BAIAP2: variants seen among roughly 807,000 people sequenced by gnomAD.
BAIAP2 encodes BAR/IMD domain-containing adapter protein 2.
In BAIAP2, 18 loss-of-function variants were observed where a neutral mutation model predicts 63.0. The observed-to-expected ratio is 0.29, with a 90% CI of 0.20 to 0.42. The LOEUF is 0.42. Ranked by LOEUF, BAIAP2 falls within the 10% of genes least tolerant of loss-of-function variation. The probability of loss-of-function intolerance (pLI) is 1.00; values close to 1 mark genes in which losing one functional copy is unlikely to be tolerated. For synonymous variants in BAIAP2, 386 were observed against 307.6 expected (o/e 1.25, Z -2.67); for missense variants, 610 against 734.3 (o/e 0.83, Z 1.96).
intron 1 of BAIAP2, among the ~76,000 whole-genome samples, chr17:81,053,035 C>A (rs142430721): frequency 6.6e-6 from 1 of 152,104 alleles, no homozygotes; most frequent in Non-Finnish European, 1.5e-5. Context: ...CTGTTTTTAT[C>A]CCTTGTAATT....
chr17:81,042,407 T>C (rs2047211749), intron 1 of BAIAP2, among the ~76,000 whole-genome samples: 1 of 151,908 alleles, frequency 6.6e-6, no homozygotes, highest in South Asian at 2.1e-4. Flanking sequence ...CCTCCCACCT[T>C]GGCCTCCCAA....
chr17:81,098,402 T>C (rs888883265), intron 6 of BAIAP2, among the ~76,000 whole-genome samples: 6 of 150,612 alleles, frequency 4.0e-5, no homozygotes, highest in Non-Finnish European at 8.8e-5. Flanking sequence ...TGGCTTTGCT[T>C]GCACTACTTC....
At chr17:81,089,984 C>CT (rs1247419003) in intron 6 of BAIAP2, among the ~76,000 whole-genome samples, 1 of 152,166 alleles carries the variant, frequency 6.6e-6, no homozygotes, top group Non-Finnish European at 1.5e-5. Flanking sequence ...TGGTGCTGGT[C>CT]TTTCTTCCCA....
At chr17:81,057,996 T>A in intron 3 of BAIAP2, 29 bp downstream of exon 3, 1 of 1,144,182 alleles carries the variant, frequency 8.7e-7, no homozygotes, top group Non-Finnish European at 1.2e-6. Flanking sequence ...CCCCGCCTGG[T>A]AGTCGCCTGA....
chr17:81,108,276 C>T (rs1245208519), intron 12 of BAIAP2, 199 bp from the exon 13 acceptor site: 4 of 610,952 alleles, frequency 6.5e-6, no homozygotes, highest in South Asian at 2.0e-5. Context: ...TTAATTTGGG[C>T]AGTCATTACT....
At position 81,116,570 on chromosome 17, in the gene BAIAP2, C is replaced by A; in HGVS notation, c.*731C>A. On this transcript the variant is annotated 3_prime_UTR_variant, in exon 14 of 14. Coordinates refer to ENST00000428708, the MANE Select transcript of BAIAP2 (RefSeq NM_001144888.2). ...AGCTGTCAGGTGCTATGCGGGGTCA[C>A]CAGCAGAGTGCCCGCTGGCAGGTGG... 2.0e-6 allele frequency: 1 copy of A among 512,784 alleles called. No individual in the cohort carries two copies. The highest frequency in any genetic ancestry group is 3.5e-6 in the Non-Finnish European group (1 of 285,090). 31.8% of individuals were successfully genotyped at this position (512,784 alleles called of 1,614,324 possible). A position where few individuals can be genotyped will look rare whatever the true frequency, so the allele number is the denominator to read the frequency against.
intron 7 of BAIAP2, among the ~76,000 whole-genome samples, chr17:81,100,835 C>T (rs2145825001): frequency 6.6e-6 from 1 of 152,298 alleles, no homozygotes; most frequent in East Asian, 1.9e-4. Flanking sequence ...AACCTGGTCA[C>T]AGGGTCCTCC....
intron 3 of BAIAP2, among the ~76,000 whole-genome samples, chr17:81,074,388 G>C (rs1467711478): frequency 6.6e-6 from 1 of 151,690 alleles, no homozygotes. Context: ...GCACGGATAC[G>C]TGAGTGCTGG....
intron 2 of BAIAP2, chr17:81,057,333 T>C (rs551429102): frequency 6.6e-6 from 1 of 152,432 alleles, no homozygotes; most frequent in Non-Finnish European, 1.5e-5. Context: ...AGACTCTGCC[T>C]CTGAGATGCT....
At chr17:81,112,407 TGG>T (rs1426050709) in intron 13 of BAIAP2, among the ~76,000 whole-genome samples, 2 of 152,350 alleles carry the variant, frequency 1.3e-5, no homozygotes, top group East Asian at 3.9e-4. Context: ...CAGCTGGGAT[TGG>T]GGGTGTCGAA....
rs779998520 is a variant in BAIAP2, at chr17:81,103,926, G to A, written c.884G>A (p.Ser295Asn). ...CTGCAGCGGATGTCTGCCCAGGAGA[G>A]CACACCCATCATGAACGGCGTCACA... ...PFVGRMSAQE[S>N]TPIMNGVTGP... Residue 295 changes from serine (S) to asparagine (N), a missense_variant, in exon 9 of 14, where the codon AGC becomes AAC. By Grantham distance (46) the Ser-to-Asn change is conservative (BLOSUM62 1). Coordinates refer to ENST00000428708, the MANE Select transcript of BAIAP2 (RefSeq NM_001144888.2). 25 of 1,612,908 alleles carry A rather than the reference G, an allele frequency of 1.6e-5. No individual in the cohort carries two copies. The Admixed American group carries it at 1.7e-4, about 11-fold the overall frequency.
chr17:81,058,172 C>T (rs183037424), intron 3 of BAIAP2, among the ~76,000 whole-genome samples: 69 of 152,304 alleles, frequency 4.5e-4, no homozygotes, highest in African/African-American at 1.6e-3. Flanking sequence ...TCCCCTGAGG[C>T]GTGCAGCCTG....
chr17:81,039,930 G>A (rs1598477393), intron 1 of BAIAP2, among the ~76,000 whole-genome samples: 1 of 152,222 alleles, frequency 6.6e-6, no homozygotes, highest in African/African-American at 2.4e-5. Context: ...CTTCTCCCCA[G>A]TTCACAGGTC....
chr17:81,080,548 C>A (rs770729034), intron 3 of BAIAP2, among the ~76,000 whole-genome samples: 5 of 151,742 alleles, frequency 3.3e-5, no homozygotes, highest in African/African-American at 4.9e-5. Flanking sequence ...GGCCAGAACC[C>A]CCTGAGAAGC....
Position 81,089,921 on chromosome 17 carries a change from C to T in BAIAP2, c.489+3341C>T, listed in dbSNP as rs572670696. On this transcript the variant is annotated intron_variant, in intron 6 of 13. Coordinates refer to ENST00000428708, the MANE Select transcript of BAIAP2 (RefSeq NM_001144888.2). The stretch of plus-strand genomic sequence containing the variant: ...AGGCCTCTGCCACCCGGTACAGAGA[C>T]GCTTGGCGAGCCTCATCTTCTCGGC... Among the ~76,000 whole-genome samples the T allele has an allele frequency of 2.6e-5, 4 of 152,270 alleles. No homozygotes were observed. In the South Asian group the frequency reaches 8.3e-4, roughly 32 times the overall value.
At position 81,115,748 on chromosome 17, in the gene BAIAP2, A is replaced by T. The variant is rs371680834; in HGVS notation, c.1536-22A>T. ...CCCATGGCTTCCGCCCTAAAAATTA[A>T]AACCACGTTTTTCTCTTTCAGGAAT... is the stretch of plus-strand genomic sequence containing the variant. On this transcript the variant is annotated intron_variant, in intron 13 of 13. Transcript: ENST00000428708. 2.7e-5 allele frequency: 44 copies of T among 1,613,362 alleles called. No homozygotes were observed. The African/African-American group carries it at 5.3e-4, about 20-fold the overall frequency.
intron 6 of BAIAP2, among the ~76,000 whole-genome samples, chr17:81,096,942 G>C (rs1438229636): frequency 6.6e-6 from 1 of 152,220 alleles, no homozygotes; most frequent in Non-Finnish European, 1.5e-5. Flanking sequence ...GGAGGAGGTG[G>C]AGGAGAAAGT....
chr17:81,115,752 C>A lies in BAIAP2; in HGVS notation c.1536-18C>A, dbSNP rs751772802. On this transcript the variant is annotated intron_variant, in intron 13 of 13. Transcript: ENST00000428708. ...TGGCTTCCGCCCTAAAAATTAAAAC[C>A]ACGTTTTTCTCTTTCAGGAATCCCT... 1 of 1,613,494 alleles carries A rather than the reference C, an allele frequency of 6.2e-7. No homozygotes were observed.
At position 81,108,416 on chromosome 17, in the gene BAIAP2, G is replaced by A. The variant is rs1037245488; in HGVS notation, c.1501-59G>A. On this transcript the variant is annotated intron_variant, in intron 12 of 13. Coordinates refer to ENST00000428708, the MANE Select transcript of BAIAP2 (RefSeq NM_001144888.2). The stretch of plus-strand genomic sequence containing the variant: ...CATTTGTGGGTGTGTACAGGCAGCG[G>A]GTGGGGGTGACCACAGGCCCCGTCA... 7 of 1,590,934 alleles carry A rather than the reference G, an allele frequency of 4.4e-6. No homozygotes were observed. In the African/African-American group the frequency reaches 9.4e-5, roughly 21 times the overall value.
Sources: gnomAD v4.1 joint callset for allele counts (sites outside exome capture counted in the v4.1 genomes callset) on GRCh38, gnomAD v4.1.1 for gene constraint, MANE v1.5 for transcripts, NCBI Gene and HGNC (gene_info 2026-07-23, HGNC 2026-07-21) for gene names.